Variants in LMO2 observed in about 807,000 individuals in gnomAD.
LMO2 encodes LIM domain only 2.
A neutral mutation model predicts 23.2 loss-of-function variants in LMO2; 20 were observed. That is an observed-to-expected ratio of 0.86 (90% confidence interval 0.61 to 1.25). LMO2 has a LOEUF of 1.25. Among genes scored for constraint, LMO2 ranks in the 50% most tolerant of loss-of-function variants. The pLI is 0.00. For synonymous variants in LMO2, 123 were observed against 130.2 expected, an observed-to-expected ratio of 0.94 and a Z score of 0.38; for missense variants, 270 against 315.3, an observed-to-expected ratio of 0.86 and a Z score of 1.09.
chr11:33,862,179 G>A (rs564825138), intron 5 of LMO2, among the ~76,000 whole-genome samples: 1 of 152,318 alleles, frequency 6.6e-6, no homozygotes, highest in Non-Finnish European at 1.5e-5. Flanking sequence ...GCCAAGCCAA[G>A]TTGTATCCTC....
chr11:33,887,941 G>C (rs1459011053), intron 1 of LMO2, among the ~76,000 whole-genome samples: 1 of 149,754 alleles, frequency 6.7e-6, no homozygotes, highest in African/African-American at 2.4e-5. Context: ...TGTGAGTGGA[G>C]TTGCATTTGG....
intron 4 of LMO2, 187 bp from the exon 5 acceptor site, chr11:33,865,004 G>A: frequency 1.6e-6 from 1 of 641,918 alleles, no homozygotes; most frequent in East Asian, 2.7e-5. Context: ...GTTAAGACGG[G>A]AAAGAGCCAG....
chr11:33,882,614 T>C (rs767416093), intron 1 of LMO2, among the ~76,000 whole-genome samples: 10 of 152,202 alleles, frequency 6.6e-5, no homozygotes, highest in Admixed American at 1.3e-4. Flanking sequence ...GTCTCTTGAG[T>C]GATTCAAACA....
At chr11:33,875,953 GC>G (rs1857128608) in intron 2 of LMO2, among the ~76,000 whole-genome samples, 1 of 152,162 alleles carries the variant, frequency 6.6e-6, no homozygotes, top group South Asian at 2.1e-4. Context: ...GGCCTCTGCT[GC>G]CCCCCTGTCC....
intron 5 of LMO2, among the ~76,000 whole-genome samples, chr11:33,859,930 G>C (rs1856508895): frequency 6.6e-6 from 1 of 152,124 alleles, no homozygotes; most frequent in African/African-American, 2.4e-5. Flanking sequence ...TCCCCTCCCA[G>C]GGGAACCCTC....
intron 2 of LMO2, among the ~76,000 whole-genome samples, chr11:33,875,129 T>C (rs1857105940): frequency 1.3e-5 from 2 of 152,206 alleles, no homozygotes; most frequent in Admixed American, 6.5e-5. Flanking sequence ...GCATTTGAGC[T>C]TCCACATCTG....
intron 4 of LMO2, among the ~76,000 whole-genome samples, chr11:33,866,646 TTTTG>T (rs141379715): frequency 0.043 from 6,532 of 152,144 alleles, 188 homozygotes; most frequent in African/African-American, 0.068. Context: ...AACTATAGTT[TTTTG>T]TTTGTTTGTT....
rs536856511 is a variant in LMO2 at position 33,877,826 on chromosome 11, T to C, written c.-272+3998A>G. On this transcript the variant is annotated intron_variant, in intron 2 of 5. Coordinates refer to ENST00000257818, the MANE Select transcript of LMO2 (RefSeq NM_005574.4). ...AGGAGTAGAGCTGGAATCTTGTTAATGATGCTCCCTAGGAATGCCCATTGT... is the reference window on the plus strand; with the variant it reads ...AGGAGTAGAGCTGGAATCTTGTTAACGATGCTCCCTAGGAATGCCCATTGT... Among the ~76,000 whole-genome samples, 5 of 151,938 alleles carry C rather than the reference T, an allele frequency of 3.3e-5. No homozygotes were observed. The Middle Eastern group carries it at 0.01, about 310-fold the overall frequency.
chr11:33,874,929 T>A (rs1857100846), intron 2 of LMO2, among the ~76,000 whole-genome samples: 1 of 152,238 alleles, frequency 6.6e-6, no homozygotes, highest in Admixed American at 6.5e-5. Flanking sequence ...TCACCATTCC[T>A]CAGTGAGTTC....
chr11:33,869,731 C>A lies in LMO2; in HGVS notation c.-15G>T. 1 of 1,288,350 alleles carries A rather than the reference C, an allele frequency of 7.8e-7. No individual in the cohort carries two copies. The highest frequency in any genetic ancestry group is 2.1e-5 in the South Asian group (1 of 47,888). 79.8% of individuals were successfully genotyped at this position (1,288,350 alleles called of 1,614,324 possible). On this transcript the variant is annotated 5_prime_UTR_variant, in exon 3 of 6. Coordinates refer to ENST00000257818, the MANE Select transcript of LMO2 (RefSeq NM_005574.4). ...TAACCTTCCATCCCGGTCCCGCCGC[C>A]GCCACCGCCCGGTCCCTCTCGCGCG... is the stretch of plus-strand genomic sequence containing the variant.
At chr11:33,872,776 T>C (rs1857054889) in intron 2 of LMO2, among the ~76,000 whole-genome samples, 2 of 152,148 alleles carry the variant, frequency 1.3e-5, no homozygotes, top group African/African-American at 4.8e-5. Flanking sequence ...TTGTTTGTTT[T>C]TTGAGATGGA....
intron 2 of LMO2, among the ~76,000 whole-genome samples, chr11:33,874,237 C>A (rs1048138378): frequency 6.6e-6 from 1 of 152,142 alleles, no homozygotes; most frequent in Non-Finnish European, 1.5e-5. Flanking sequence ...CTATTAGTAA[C>A]CTTAGTGATA....
In LMO2 at chr11:33,859,296, G is replaced by T; in HGVS notation, c.*60C>A. On this transcript the variant is annotated 3_prime_UTR_variant, in exon 6 of 6. Transcript: ENST00000257818. ...CAAAGTGCCTAAGAGTGAAGACGAA[G>T]ATGCCATGGAGACGGCGTCTTCAGT... The T allele has an allele frequency of 7.7e-7, 1 of 1,303,718 alleles. No individual in the cohort carries two copies. The highest frequency in any genetic ancestry group is 2.3e-5 in the East Asian group (1 of 43,076). The allele number at this position is 1,303,718 out of a possible 1,614,324, so 80.8% of individuals were successfully genotyped here. A position where few individuals can be genotyped will look rare whatever the true frequency, so the allele number is the denominator to read the frequency against.
At chr11:33,891,453 G>T (rs1857550669) in intron 1 of LMO2, among the ~76,000 whole-genome samples, 1 of 151,852 alleles carries the variant, frequency 6.6e-6, no homozygotes, top group Admixed American at 6.6e-5. Context: ...TTTTGGATCA[G>T]AATAATTGAG....
intron 1 of LMO2, among the ~76,000 whole-genome samples, chr11:33,883,486 C>G (rs912296082): frequency 1.3e-5 from 2 of 152,194 alleles, no homozygotes; most frequent in African/African-American, 2.4e-5. Context: ...AGACCTTTAT[C>G]TCTTACTTGG....
intron 2 of LMO2, chr11:33,871,135 C>T (rs1487430700): frequency 1.2e-6 from 1 of 859,448 alleles, no homozygotes; most frequent in Non-Finnish European, 1.4e-6. Flanking sequence ...CTACTGCCTG[C>T]ATGCTCTTGT....
At chr11:33,884,072 C>T (rs973728653) in intron 1 of LMO2, among the ~76,000 whole-genome samples, 15 of 152,102 alleles carry the variant, frequency 9.9e-5, no homozygotes, top group South Asian at 2.1e-4. Flanking sequence ...GATGCCAAAA[C>T]GCACCACACC....
At chr11:33,883,066 T>G (rs1272724334) in intron 1 of LMO2, among the ~76,000 whole-genome samples, 5 of 152,242 alleles carry the variant, frequency 3.3e-5, no homozygotes, top group African/African-American at 1.2e-4. Context: ...ATTTTCATCA[T>G]TATATTTGTC....
chr11:33,887,854 G>A (rs1175448048), intron 1 of LMO2, among the ~76,000 whole-genome samples: 2 of 152,088 alleles, frequency 1.3e-5, no homozygotes, highest in Admixed American at 6.5e-5. Flanking sequence ...GATTACAGGT[G>A]TGAGCCACTG....
Sources: allele counts gnomAD v4.1 joint callset (sites outside exome capture counted in the v4.1 genomes callset), GRCh38; gene constraint gnomAD v4.1.1; transcripts MANE v1.5; gene names NCBI Gene and HGNC (gene_info 2026-07-23, HGNC 2026-07-21).